PCDH9: variants seen among roughly 807,000 people sequenced by gnomAD.
PCDH9 encodes protocadherin 9.
Under a neutral mutation model 70.6 loss-of-function variants are expected in PCDH9, and 24 were observed. The ratio of observed to expected loss-of-function variants is 0.34; its 90% CI spans 0.25 to 0.48. The LOEUF (loss-of-function observed/expected upper bound fraction) is 0.48. Ranked by LOEUF, PCDH9 falls within the 20% of genes least tolerant of loss-of-function variation. The probability of loss-of-function intolerance (pLI) is 0.99; values close to 1 mark genes in which losing one functional copy is unlikely to be tolerated. For missense variants in PCDH9, 1,281 were observed against 1,503.6 expected, an observed-to-expected ratio of 0.85 and a Z score of 2.45; for synonymous variants, 562 against 558.5, an observed-to-expected ratio of 1.01 and a Z score of -0.09.
chr13:66,380,984 A>G (rs78635082), intron 4 of PCDH9, among the ~76,000 whole-genome samples: 1 of 152,368 alleles, frequency 6.6e-6, no homozygotes, highest in Non-Finnish European at 1.5e-5. Context: ...AGTAAGAGAC[A>G]CACAAAAAAA....
chr13:66,730,897 T>TTTTTG (rs2079070292), intron 3 of PCDH9, among the ~76,000 whole-genome samples: 4 of 129,098 alleles, frequency 3.1e-5, no homozygotes, highest in African/African-American at 2.9e-5. Context: ...GTTTGTTTCT[T>TTTTTG]TTTTTTTGTG....
intron 2 of PCDH9, among the ~76,000 whole-genome samples, chr13:66,953,454 T>C (rs1357715496): frequency 6.6e-6 from 1 of 152,238 alleles, no homozygotes. Context: ...GGTTAGTCAT[T>C]GCAATATTTG....
intron 2 of PCDH9, among the ~76,000 whole-genome samples, chr13:67,193,153 T>C (rs1485348327): frequency 6.6e-6 from 1 of 152,156 alleles, no homozygotes; most frequent in South Asian, 2.1e-4. Context: ...TCCAGTGACA[T>C]GCTAGGTCTT....
chr13:66,983,181 T>G (rs2083811219), intron 2 of PCDH9, among the ~76,000 whole-genome samples: 1 of 151,942 alleles, frequency 6.6e-6, no homozygotes, highest in Non-Finnish European at 1.5e-5. Context: ...TTTACCTATG[T>G]AAAAAAACCT....
chr13:66,615,237 C>A (rs910461264), intron 4 of PCDH9, among the ~76,000 whole-genome samples: 2 of 152,132 alleles, frequency 1.3e-5, no homozygotes, highest in Admixed American at 6.6e-5. Context: ...GGAGGAAAGT[C>A]TTTGAAGAGG....
chr13:66,847,831 G>C (rs1196096683), intron 3 of PCDH9, among the ~76,000 whole-genome samples: 1 of 152,170 alleles, frequency 6.6e-6, no homozygotes, highest in Non-Finnish European at 1.5e-5. Context: ...GATGGAGCAG[G>C]ACAGTGTGAG....
rs375765079 is a variant in PCDH9, at chr13:66,929,006, ATAACTT to A, written c.3037-25407_3037-25402del. ...CTGAAAAATGCTTTTTGGACAGAGA[ATAACTT>A]TGATAGAGAATGCATATGTTACAGG... On this transcript the variant is annotated intron_variant, in intron 2 of 4. Transcript: ENST00000377865. Among the ~76,000 whole-genome samples, 481 of 152,284 alleles carry A rather than the reference ATAACTT, an allele frequency of 3.2e-3. 2 individuals are homozygous for A. Among genetic ancestry groups the A allele is most frequent in the African/African-American group, 0.011 (460 of 41,576 alleles).
At position 66,397,417 on chromosome 13, in the gene PCDH9, G is replaced by T. The variant is rs527429236; in HGVS notation, c.3341-92389C>A. Among the ~76,000 whole-genome samples, 234 of 150,220 alleles carry T rather than the reference G, an allele frequency of 1.6e-3. 1 individual carries two copies. The highest frequency in any genetic ancestry group is 5.4e-3 in the African/African-American group (222 of 40,846). On this transcript the variant is annotated intron_variant, in intron 4 of 4. Transcript: ENST00000377865. ...CTGGGTGACAGAGTGAGACTCTGTC[G>T]ATATATATGTGTGTGTATACATATA...
Position 66,922,318 on chromosome 13 carries a change from T to C in PCDH9, c.3037-18713A>G, listed in dbSNP as rs1172724732. Among the ~76,000 whole-genome samples, 11 of 151,406 alleles carry C rather than the reference T, an allele frequency of 7.3e-5. No individual in the cohort carries two copies. The Admixed American group carries it at 7.3e-4, about 10-fold the overall frequency. On this transcript the variant is annotated intron_variant, in intron 2 of 4. Coordinates refer to ENST00000377865, the MANE Select transcript of PCDH9 (RefSeq NM_203487.3). Reference sequence around the variant, plus strand: ...ATGTTCTATTTGGAATTATTAAAAATTGATCAGTTATTTCTTCTTCAATAC... The same window carrying C: ...ATGTTCTATTTGGAATTATTAAAAACTGATCAGTTATTTCTTCTTCAATAC...
rs944499243 is a variant in PCDH9 at position 66,772,285 on chromosome 13, A to G, written c.3138+131219T>C. On this transcript the variant is annotated intron_variant, in intron 3 of 4. Coordinates refer to ENST00000377865, the MANE Select transcript of PCDH9 (RefSeq NM_203487.3). The stretch of plus-strand genomic sequence containing the variant: ...AGGAGAAGAAATCATGTTTCTATCA[A>G]TTCTCAAAACTCCCATCTTTTGTGG... 1.1e-4 allele frequency among the ~76,000 whole-genome samples: 16 copies of G among 152,330 alleles called. No homozygotes were observed. In the South Asian group the frequency reaches 1.2e-3, roughly 12 times the overall value.
At chr13:66,599,749 A>G (rs1345582348) in intron 4 of PCDH9, among the ~76,000 whole-genome samples, 3 of 151,678 alleles carry the variant, frequency 2.0e-5, no homozygotes, top group Non-Finnish European at 2.9e-5. Flanking sequence ...CTCAGCTTCA[A>G]AAAGTGCTGA....
intron 2 of PCDH9, among the ~76,000 whole-genome samples, chr13:66,998,819 T>G (rs901718170): frequency 6.6e-6 from 1 of 152,200 alleles, no homozygotes; most frequent in Non-Finnish European, 1.5e-5. Flanking sequence ...CCTTTATTCC[T>G]TGTTGTTCTT....
chr13:66,614,880 G>C (rs2077337174), intron 4 of PCDH9, among the ~76,000 whole-genome samples: 1 of 152,162 alleles, frequency 6.6e-6, no homozygotes, highest in African/African-American at 2.4e-5. Flanking sequence ...GTTTCCATTG[G>C]CTGGAATGGG....
intron 4 of PCDH9, among the ~76,000 whole-genome samples, chr13:66,512,804 C>A (rs1439571945): frequency 6.6e-6 from 1 of 151,854 alleles, no homozygotes; most frequent in African/African-American, 2.4e-5. Flanking sequence ...TTTCTCTTTT[C>A]TTTCTTTCTT....
chr13:66,524,777 G>A (rs1300480255), intron 4 of PCDH9, among the ~76,000 whole-genome samples: 1 of 152,008 alleles, frequency 6.6e-6, no homozygotes, highest in East Asian at 1.9e-4. Flanking sequence ...CCAATATGTT[G>A]CCGTTTATAA....
intron 3 of PCDH9, among the ~76,000 whole-genome samples, chr13:66,764,016 T>C (rs1056037431): frequency 6.6e-6 from 1 of 151,886 alleles, no homozygotes; most frequent in Non-Finnish European, 1.5e-5. Flanking sequence ...CCAGGCTCGT[T>C]TGAAACTCCT....
intron 3 of PCDH9, among the ~76,000 whole-genome samples, chr13:66,837,087 T>C (rs1417952630): frequency 6.6e-6 from 1 of 152,200 alleles, no homozygotes; most frequent in Non-Finnish European, 1.5e-5. Flanking sequence ...TTCTCACGCA[T>C]GGATGGAATT....
chr13:66,740,656 G>A (rs77935620), intron 3 of PCDH9, among the ~76,000 whole-genome samples: 4 of 149,712 alleles, frequency 2.7e-5, no homozygotes, highest in Non-Finnish European at 4.5e-5. Flanking sequence ...TGATAAAGGG[G>A]ATATCACCAC....
At chr13:67,153,224 C>T (rs944520513) in intron 2 of PCDH9, among the ~76,000 whole-genome samples, 2 of 151,848 alleles carry the variant, frequency 1.3e-5, no homozygotes, top group African/African-American at 2.4e-5. Flanking sequence ...TGCAATGGTG[C>T]GATCATGGCT....
Sources: allele counts gnomAD v4.1 joint callset (sites outside exome capture counted in the v4.1 genomes callset), GRCh38; gene constraint gnomAD v4.1.1; transcripts MANE v1.5; gene names NCBI Gene and HGNC (gene_info 2026-07-23, HGNC 2026-07-21).